Variants in C2orf76 observed in about 807,000 individuals in gnomAD.
C2orf76 encodes the protein UPF0538 protein C2orf76.
A neutral mutation model predicts 16.9 loss-of-function variants in C2orf76; 23 were observed. That is an observed-to-expected ratio of 1.36 (90% CI 0.98 to 1.93). The LOEUF (loss-of-function observed/expected upper bound fraction) is 1.93, where lower values mean the gene tolerates loss of function less well. Among genes scored for constraint, C2orf76 ranks in the 30% most tolerant of loss-of-function variants. The pLI is 0.00. For synonymous variants in C2orf76, 48 were observed against 52.3 expected (o/e 0.92, Z 0.35); for missense variants, 152 against 152.6 (o/e 1.00, Z 0.02).
intron 2 of C2orf76, among the ~76,000 whole-genome samples, chr2:119,331,769 A>T (rs1023568635): frequency 6.6e-6 from 1 of 152,206 alleles, no homozygotes; most frequent in African/African-American, 2.4e-5. Flanking sequence ...TAGTTGTTTA[A>T]TGTAGAAGAG....
intron 1 of C2orf76, among the ~76,000 whole-genome samples, chr2:119,346,392 C>T (rs2104618917): frequency 6.6e-6 from 1 of 152,254 alleles, no homozygotes; most frequent in Non-Finnish European, 1.5e-5. Flanking sequence ...AATCCAAATG[C>T]CCTTTAACAT....
chr2:119,358,507 G>A (rs1263327808), intron 1 of C2orf76, among the ~76,000 whole-genome samples: 1 of 150,966 alleles, frequency 6.6e-6, no homozygotes, highest in East Asian at 1.9e-4. Context: ...GAATCCGGGA[G>A]GTGCAGATTG....
intron 1 of C2orf76, among the ~76,000 whole-genome samples, chr2:119,354,977 TAC>T (rs1680523943): frequency 6.6e-6 from 1 of 152,192 alleles, no homozygotes; most frequent in African/African-American, 2.4e-5. Flanking sequence ...ACATCTAGAA[TAC>T]ACCACCCACT....
intron 2 of C2orf76, among the ~76,000 whole-genome samples, chr2:119,322,086 A>G (rs1301499844): frequency 3.3e-5 from 5 of 152,170 alleles, no homozygotes; most frequent in African/African-American, 1.2e-4. Flanking sequence ...ATCTGCTGGT[A>G]CAACACCTAA....
At chr2:119,309,833 C>T (rs1350026956) in intron 5 of C2orf76, among the ~76,000 whole-genome samples, 1 of 152,178 alleles carries the variant, frequency 6.6e-6, no homozygotes, top group Non-Finnish European at 1.5e-5. Flanking sequence ...AAATTTATCA[C>T]TTCTCCCCCT....
chr2:119,350,908 G>A (rs1468300091), intron 1 of C2orf76, among the ~76,000 whole-genome samples: 1 of 152,138 alleles, frequency 6.6e-6, no homozygotes, highest in Non-Finnish European at 1.5e-5. Flanking sequence ...GCTCAGAGCC[G>A]AGCATCCAGA....
intron 1 of C2orf76, among the ~76,000 whole-genome samples, chr2:119,345,185 T>C (rs1680159416): frequency 6.6e-6 from 1 of 152,126 alleles, no homozygotes; most frequent in Admixed American, 6.6e-5. Context: ...AAGAGACCAA[T>C]ATCCTAATAG....
At chr2:119,315,316 A>C (rs1383831328) in intron 4 of C2orf76, among the ~76,000 whole-genome samples, 12 of 152,164 alleles carry the variant, frequency 7.9e-5, no homozygotes, top group Admixed American at 5.2e-4. Flanking sequence ...CTCTAAGCCC[A>C]GAAAATTAGG....
chr2:119,321,299 T>C, intron 2 of C2orf76, 95 bp from the exon 3 acceptor site: 3 of 708,272 alleles, frequency 4.2e-6, no homozygotes, highest in Non-Finnish European at 4.7e-6. Context: ...ATCTACAGAC[T>C]AAGTTACCTT....
chr2:119,337,513 CATT>C (rs1358293266), intron 2 of C2orf76, among the ~76,000 whole-genome samples: 2 of 152,106 alleles, frequency 1.3e-5, no homozygotes, highest in Non-Finnish European at 2.9e-5. Flanking sequence ...TGTTTGCTAT[CATT>C]ATTATTATTA....
downstream of C2orf76, among the ~76,000 whole-genome samples, chr2:119,298,900 C>T (rs1216756609): frequency 6.6e-6 from 1 of 152,162 alleles, no homozygotes; most frequent in Non-Finnish European, 1.5e-5. Flanking sequence ...ATAAGACTTG[C>T]AGAAACATAC....
chr2:119,320,663 C>G (rs145747527), intron 3 of C2orf76, among the ~76,000 whole-genome samples: 41 of 152,210 alleles, frequency 2.7e-4, no homozygotes, highest in Middle Eastern at 6.8e-3. Context: ...TTATTAGGTG[C>G]ATCATACCTT....
At chr2:119,322,234 T>C (rs564950973) in intron 2 of C2orf76, among the ~76,000 whole-genome samples, 1 of 152,130 alleles carries the variant, frequency 6.6e-6, no homozygotes, top group East Asian at 1.9e-4. Context: ...TGACACAGGG[T>C]CTCATTTTGC....
the C2orf76 span, among the ~76,000 whole-genome samples, chr2:119,289,425 C>T: frequency 5.3e-5 from 8 of 151,988 alleles, no homozygotes; most frequent in South Asian, 2.1e-4. Context: ...CAGTGGCTCA[C>T]GCCTGTAATC....
At position 119,350,267 on chromosome 2, in the gene C2orf76, G is replaced by T. The variant is rs769722465; in HGVS notation, c.-12-10296C>A. On this transcript the variant is annotated intron_variant, in intron 1 of 5. Coordinates refer to ENST00000334816, the MANE Select transcript of C2orf76 (RefSeq NM_001322331.2). ...AATATTAATTATATATTTATAATAT[G>T]TAACAGTTCAACAGCAACTTGATTC... Among the ~76,000 whole-genome samples the T allele has an allele frequency of 4.7e-4, 72 of 152,152 alleles. 1 individual carries two copies. The highest frequency in any genetic ancestry group is 9.8e-4 in the Admixed American group (15 of 15,288).
chr2:119,299,660 T>A (rs1294090582), downstream of C2orf76, among the ~76,000 whole-genome samples: 1 of 152,180 alleles, frequency 6.6e-6, no homozygotes, highest in Non-Finnish European at 1.5e-5. Flanking sequence ...TATTTTTGAT[T>A]TTTTTTCTGT....
In C2orf76 at chr2:119,339,948, T is replaced by C. The variant is rs150424122; in HGVS notation, c.12A>G (p.Gly4=). ...TGAGGCGAACTGTGATGGTCACTTC[T>C]CCAGGAGCCATGTGAAGAAATTCCT... MAP[G]EVTITVRLIR... is the part of the protein sequence containing the mutation. Residue 4 remains glycine, a synonymous_variant, in exon 2 of 6, where the codon GGA becomes GGG. Coordinates refer to ENST00000334816, the MANE Select transcript of C2orf76 (RefSeq NM_001322331.2). The C allele has an allele frequency of 3.7e-6, 6 of 1,610,232 alleles. No homozygotes were observed. Among genetic ancestry groups the C allele is most frequent in the Non-Finnish European group, 5.1e-6 (6 of 1,176,690 alleles).
At chr2:119,289,831 G>A in the C2orf76 span, among the ~76,000 whole-genome samples, 2 of 151,908 alleles carry the variant, frequency 1.3e-5, no homozygotes, top group Non-Finnish European at 2.9e-5. Context: ...GCCCTCTGCC[G>A]GTAGTAGTTC....
intron 4 of C2orf76, among the ~76,000 whole-genome samples, chr2:119,315,353 T>C (rs1679135353): frequency 6.6e-6 from 1 of 152,168 alleles, no homozygotes; most frequent in Non-Finnish European, 1.5e-5. Flanking sequence ...CTTTTATGAA[T>C]GAGTTCATTA....
Sources: allele counts gnomAD v4.1 joint callset (sites outside exome capture counted in the v4.1 genomes callset), GRCh38; gene constraint gnomAD v4.1.1; transcripts MANE v1.5; gene names NCBI Gene and HGNC (gene_info 2026-07-23, HGNC 2026-07-21).